Variants in HDAC9 observed in about 807,000 individuals in gnomAD.
The protein encoded by HDAC9 is MEF-2 interacting transcription repressor (MITR) protein.
HDAC9 carries 41 observed loss-of-function variants against 139.4 expected under a neutral mutation model. The observed-to-expected ratio is 0.29, with a 90% CI of 0.23 to 0.38. The LOEUF (loss-of-function observed/expected upper bound fraction) is 0.38, where lower values mean the gene tolerates loss of function less well. HDAC9 is among the 10% of genes least tolerant of loss of function. The pLI is 1.00. For synonymous variants in HDAC9, 517 were observed against 476.2 expected, an observed-to-expected ratio of 1.09 and a Z score of -1.12; for missense variants, 1,147 against 1,297.0, an observed-to-expected ratio of 0.88 and a Z score of 1.78.
chr7:18,296,839 G>T (rs1798184272), intron 1 of HDAC9, among the ~76,000 whole-genome samples: 1 of 152,186 alleles, frequency 6.6e-6, no homozygotes. Context: ...AGGTCAAGAT[G>T]ACAGTGGTTT....
intron 24 of HDAC9, among the ~76,000 whole-genome samples, chr7:18,966,830 A>G (rs1276744052): frequency 2.0e-5 from 3 of 152,110 alleles, no homozygotes; most frequent in Non-Finnish European, 4.4e-5. Flanking sequence ...CACTCTCAAT[A>G]CTTTTGCTAC....
At chr7:18,504,552 G>A (rs1799240277) in intron 2 of HDAC9, among the ~76,000 whole-genome samples, 1 of 152,182 alleles carries the variant, frequency 6.6e-6, no homozygotes, top group African/African-American at 2.4e-5. Context: ...TGATCTGCCC[G>A]CCTTGGCCTC....
intron 2 of HDAC9, among the ~76,000 whole-genome samples, chr7:18,554,172 T>C (rs956490529): frequency 2.0e-5 from 3 of 152,112 alleles, no homozygotes; most frequent in African/African-American, 7.2e-5. Flanking sequence ...ATCTGAAATA[T>C]ACACTATATG....
intron 12 of HDAC9, among the ~76,000 whole-genome samples, chr7:18,683,272 T>C (rs1782018633): frequency 6.6e-6 from 1 of 150,484 alleles, no homozygotes; most frequent in South Asian, 2.1e-4. Flanking sequence ...CACATTGTCC[T>C]AAAATTCTAA....
chr7:18,272,341 T>G (rs1796405849), intron 2 of HDAC9, among the ~76,000 whole-genome samples: 1 of 152,184 alleles, frequency 6.6e-6, no homozygotes, highest in African/African-American at 2.4e-5. Flanking sequence ...TATTTAAGAT[T>G]TTTTAAAAAA....
intron 11 of HDAC9, among the ~76,000 whole-genome samples, chr7:18,662,152 A>C (rs1793370590): frequency 6.6e-6 from 1 of 152,154 alleles, no homozygotes; most frequent in East Asian, 1.9e-4. Flanking sequence ...TGGTAATACC[A>C]GTCTCTTATT....
chr7:18,196,666 G>T (rs1483288760), intron 2 of HDAC9, among the ~76,000 whole-genome samples: 2 of 152,114 alleles, frequency 1.3e-5, no homozygotes, highest in Non-Finnish European at 2.9e-5. Flanking sequence ...ATAAGTTAAG[G>T]AGTAGAACAG....
chr7:18,973,931 T>G (rs1784401259), intron 24 of HDAC9, among the ~76,000 whole-genome samples: 1 of 152,128 alleles, frequency 6.6e-6, no homozygotes, highest in Admixed American at 6.6e-5. Flanking sequence ...TAAGCCTGAT[T>G]CTATACCTTG....
Position 18,476,911 on chromosome 7 carries a change from C to T in HDAC9, c.-41-19351C>T, listed in dbSNP as rs896076208. 2.0e-5 allele frequency among the ~76,000 whole-genome samples: 3 copies of T among 152,124 alleles called. No homozygotes were observed. The South Asian group carries it at 6.2e-4, about 32-fold the overall frequency. On this transcript the variant is annotated intron_variant, in intron 1 of 3. Transcript: ENST00000413509. ...TGCAAAGTTCTGCTTTTTAAGTTTG[C>T]CCCCTGGAGGTCTCATGTTCCATGC...
At chr7:18,952,261 C>T (rs528275646) in intron 23 of HDAC9, among the ~76,000 whole-genome samples, 24 of 151,902 alleles carry the variant, frequency 1.6e-4, no homozygotes, top group Non-Finnish European at 3.2e-4. Context: ...TTGTATTTTA[C>T]TCTCAATACT....
chr7:18,692,678 T>C (rs1462891504), intron 12 of HDAC9, among the ~76,000 whole-genome samples: 1 of 152,146 alleles, frequency 6.6e-6, no homozygotes, highest in Non-Finnish European at 1.5e-5. Flanking sequence ...TAGTATATAA[T>C]ACTTTCTCAC....
intron 1 of HDAC9, among the ~76,000 whole-genome samples, chr7:18,431,756 C>T (rs956011320): frequency 2.6e-5 from 4 of 152,060 alleles, no homozygotes; most frequent in South Asian, 2.1e-4. Flanking sequence ...ACGTAAAATA[C>T]GATTGTGGGT....
At chr7:18,895,890 C>G (rs1028472008) in intron 22 of HDAC9, among the ~76,000 whole-genome samples, 1 of 152,024 alleles carries the variant, frequency 6.6e-6, no homozygotes, top group Non-Finnish European at 1.5e-5. Context: ...TCATGATTAA[C>G]CACTTTTTAA....
chr7:18,210,202 C>T (rs1240458516), intron 2 of HDAC9, among the ~76,000 whole-genome samples: 2 of 152,068 alleles, frequency 1.3e-5, no homozygotes, highest in African/African-American at 4.8e-5. Flanking sequence ...CTGTGGTGTT[C>T]TGTGATACAA....
intron 19 of HDAC9, among the ~76,000 whole-genome samples, chr7:18,830,700 A>G (rs765775114): frequency 1.6e-4 from 25 of 152,210 alleles, no homozygotes; most frequent in Non-Finnish European, 2.6e-4. Flanking sequence ...TTCACACACT[A>G]TATTGAAGCA....
chr7:18,188,202 A>G (rs1441659216), intron 2 of HDAC9, among the ~76,000 whole-genome samples: 2 of 152,194 alleles, frequency 1.3e-5, no homozygotes, highest in South Asian at 4.1e-4. Context: ...CCACACATCT[A>G]CAACCATCTG....
intron 23 of HDAC9, among the ~76,000 whole-genome samples, chr7:18,938,451 G>C (rs1029766290): frequency 6.6e-6 from 1 of 151,542 alleles, no homozygotes; most frequent in Admixed American, 6.6e-5. Context: ...AAAAATTAGC[G>C]GGGCGTGTTG....
At chr7:18,204,735 C>G (rs975980562) in intron 2 of HDAC9, among the ~76,000 whole-genome samples, 2 of 151,568 alleles carry the variant, frequency 1.3e-5, no homozygotes, top group Non-Finnish European at 3.0e-5. Context: ...TATTTTTCTT[C>G]TTGATTTTCT....
In HDAC9 at chr7:18,993,058, C is replaced by G. The variant is rs116480260; in HGVS notation, c.3171-2965C>G. The stretch of plus-strand genomic sequence containing the variant: ...GCACTGCTTCTCATTCCTCCAAACA[C>G]AGCCATTAAAGGGTCATCACTCACC... On this transcript the variant is annotated intron_variant, in intron 25 of 25. Coordinates refer to ENST00000686413, the MANE Select transcript of HDAC9 (RefSeq NM_178425.4). Among the ~76,000 whole-genome samples the G allele has an allele frequency of 8.7e-3, 1,313 of 150,566 alleles. 18 individuals are homozygous for G. Among genetic ancestry groups the G allele is most frequent in the African/African-American group, 0.031 (1,252 of 40,886 alleles).
Sources: allele counts gnomAD v4.1 joint callset (sites outside exome capture counted in the v4.1 genomes callset), GRCh38; gene constraint gnomAD v4.1.1; transcripts MANE v1.5; gene names NCBI Gene and HGNC (gene_info 2026-07-23, HGNC 2026-07-21).